The following NRG1 variants were observed in gnomAD, a reference collection of about 807,000 sequenced individuals.
The protein encoded by NRG1 is pro-neuregulin-1, membrane-bound isoform.
In NRG1, 18 loss-of-function variants were observed where a neutral mutation model predicts 63.8. The ratio of observed to expected loss-of-function variants is 0.28; its 90% confidence interval spans 0.19 to 0.42. NRG1 has a LOEUF of 0.42. Among genes scored for constraint, NRG1 ranks in the 10% least tolerant of loss-of-function variants. The pLI, the probability that NRG1 is intolerant of heterozygous loss-of-function variation, is 1.00. For missense variants in NRG1, 762 were observed against 814.7 expected, an observed-to-expected ratio of 0.94 and a Z score of 0.79; for synonymous variants, 302 against 301.3, an observed-to-expected ratio of 1.00 and a Z score of -0.02.
chr8:32,579,014 T>C (rs1465035461), intron 1 of NRG1, among the ~76,000 whole-genome samples: 2 of 152,160 alleles, frequency 1.3e-5, no homozygotes, highest in Non-Finnish European at 2.9e-5. Context: ...AATGATGATA[T>C]TTTTATCAGC....
chr8:32,495,941 T>A (rs1308372167), intron 1 of NRG1, among the ~76,000 whole-genome samples: 1 of 152,244 alleles, frequency 6.6e-6, no homozygotes, highest in African/African-American at 2.4e-5. Context: ...TAAGATCTTC[T>A]TGGTGAACTT....
chr8:32,671,648 GA>G (rs1805674408), intron 5 of NRG1, among the ~76,000 whole-genome samples: 1 of 152,002 alleles, frequency 6.6e-6, no homozygotes, highest in Admixed American at 6.6e-5. Flanking sequence ...CTTAAAATAT[GA>G]ATTTTTAAAT....
At position 32,067,168 on chromosome 8, in the gene NRG1, A is replaced by G. The variant is rs532911232; in HGVS notation, c.37+427737A>G. On this transcript the variant is annotated intron_variant, in intron 1 of 10. Transcript: ENST00000519301. Reference sequence around the variant, plus strand: ...ATTTGACTTCCTCTTTTCCTAATTGAATACCCTTTATTTCCTTCTCCTGTC... The same window carrying G: ...ATTTGACTTCCTCTTTTCCTAATTGGATACCCTTTATTTCCTTCTCCTGTC... 1.5e-4 allele frequency among the ~76,000 whole-genome samples: 23 copies of G among 152,298 alleles called. 1 individual carries two copies. Among genetic ancestry groups the G allele is most frequent in the African/African-American group, 5.3e-4 (22 of 41,564 alleles).
At chr8:32,285,791 G>T (rs1414373817) in intron 1 of NRG1, among the ~76,000 whole-genome samples, 1 of 152,144 alleles carries the variant, frequency 6.6e-6, no homozygotes, top group Non-Finnish European at 1.5e-5. Flanking sequence ...AAGCTGTCTG[G>T]ATTCTTGCTA....
intron 5 of NRG1, among the ~76,000 whole-genome samples, chr8:32,622,355 G>A (rs1848486112): frequency 6.6e-6 from 1 of 152,044 alleles, no homozygotes; most frequent in Non-Finnish European, 1.5e-5. Context: ...TGACTTCCCT[G>A]AGACTCAGTT....
At chr8:31,706,602 T>C (rs1811175036) in intron 1 of NRG1, among the ~76,000 whole-genome samples, 1 of 152,226 alleles carries the variant, frequency 6.6e-6, no homozygotes, top group African/African-American at 2.4e-5. Flanking sequence ...TTTATGAATG[T>C]TGATCAGCAT....
intron 1 of NRG1, among the ~76,000 whole-genome samples, chr8:32,525,936 T>C (rs1308486215): frequency 2.0e-5 from 3 of 152,228 alleles, no homozygotes; most frequent in Non-Finnish European, 4.4e-5. Context: ...CTATCTCTTC[T>C]AGCTTTTCTT....
chr8:32,217,362 T>A (rs1043769226), intron 1 of NRG1, among the ~76,000 whole-genome samples: 6 of 150,310 alleles, frequency 4.0e-5, no homozygotes, highest in Non-Finnish European at 8.9e-5. Flanking sequence ...GCCATGGGAG[T>A]GATGAGTGAC....
intron 1 of NRG1, among the ~76,000 whole-genome samples, chr8:31,803,221 G>C (rs1186178524): frequency 6.6e-6 from 1 of 152,172 alleles, no homozygotes; most frequent in Non-Finnish European, 1.5e-5. Context: ...TATTTAAAAA[G>C]TCTTTGTTCA....
chr8:32,587,624 G>A (rs1044181116), intron 1 of NRG1, among the ~76,000 whole-genome samples: 2 of 152,072 alleles, frequency 1.3e-5, no homozygotes, highest in South Asian at 4.1e-4. Flanking sequence ...TTGTACCTGG[G>A]TTTCTTCTTT....
At chr8:31,679,584 T>C (rs1158775316) in intron 1 of NRG1, among the ~76,000 whole-genome samples, 1 of 152,114 alleles carries the variant, frequency 6.6e-6, no homozygotes, top group South Asian at 2.1e-4. Flanking sequence ...GGTAAAAACA[T>C]TGAGCAAACA....
At chr8:31,806,886 T>C (rs1822340386) in intron 1 of NRG1, among the ~76,000 whole-genome samples, 1 of 152,230 alleles carries the variant, frequency 6.6e-6, no homozygotes, top group Non-Finnish European at 1.5e-5. Context: ...GAGTTTAATA[T>C]ACATTAAGAG....
intron 1 of NRG1, among the ~76,000 whole-genome samples, chr8:31,973,518 G>A (rs1807646044): frequency 6.6e-6 from 1 of 152,122 alleles, no homozygotes; most frequent in Non-Finnish European, 1.5e-5. Context: ...GAAAATCAAG[G>A]CTCCGTAAAT....
At chr8:31,934,035 T>C (rs1306609995) in intron 1 of NRG1, among the ~76,000 whole-genome samples, 1 of 152,138 alleles carries the variant, frequency 6.6e-6, no homozygotes, top group East Asian at 1.9e-4. Context: ...AGAACTATAG[T>C]TGCTGCAACC....
intron 1 of NRG1, among the ~76,000 whole-genome samples, chr8:31,868,732 C>T (rs112707650): frequency 0.086 from 13,098 of 152,294 alleles, 800 homozygotes; most frequent in Admixed American, 0.18. Flanking sequence ...TGAATCCTCA[C>T]AGTCATTCTA....
intron 1 of NRG1, among the ~76,000 whole-genome samples, chr8:32,110,039 A>C (rs1831800707): frequency 6.6e-6 from 1 of 152,196 alleles, no homozygotes; most frequent in Non-Finnish European, 1.5e-5. Flanking sequence ...TGTAAGGATT[A>C]AAGGAACTAA....
At chr8:32,316,305 A>G (rs949493202) in intron 1 of NRG1, among the ~76,000 whole-genome samples, 1 of 151,998 alleles carries the variant, frequency 6.6e-6, no homozygotes, top group Non-Finnish European at 1.5e-5. Context: ...GTGAAACCCC[A>G]TCTCTACTAA....
At chr8:32,374,157 G>A (rs1471407982) in intron 1 of NRG1, among the ~76,000 whole-genome samples, 1 of 152,116 alleles carries the variant, frequency 6.6e-6, no homozygotes, top group Non-Finnish European at 1.5e-5. Flanking sequence ...ACAAAACTTC[G>A]GTGGAATTGA....
Position 31,640,530 on chromosome 8 carries a change from C to G in NRG1, c.37+1099C>G, listed in dbSNP as rs959488154. ...GCTTGAAGAAGGACTCGCTGCTCAC[C>G]GTGCGCCTGGGGACCTGGGGCCACC... On this transcript the variant is annotated intron_variant, in intron 1 of 10. Coordinates refer to the NRG1 transcript ENST00000519301. This position sits in a 1 kb window ranked among gnomAD's most constrained non-coding sequence, Gnocchi z 6.3. 7 of 1,611,714 alleles carry G rather than the reference C, an allele frequency of 4.3e-6. No homozygotes were observed. Among genetic ancestry groups the G allele is most frequent in the East Asian group, 4.5e-5 (2 of 44,762 alleles).
Sources: allele counts gnomAD v4.1 joint callset (sites outside exome capture counted in the v4.1 genomes callset), GRCh38; gene constraint gnomAD v4.1.1; non-coding constraint Gnocchi (gnomAD v3.1); transcripts MANE v1.5; gene names NCBI Gene and HGNC (gene_info 2026-07-23, HGNC 2026-07-21).